The following DPYD variants were observed in gnomAD, a reference collection of about 807,000 sequenced individuals.
DPYD encodes dihydropyrimidine dehydrogenase, also known as dihydropyrimidine dehydrogenase [NADP(+)].
In DPYD, 109 loss-of-function variants were observed where a neutral mutation model predicts 116.2. The ratio of observed to expected loss-of-function variants is 0.94; its 90% CI spans 0.80 to 1.10. The LOEUF is 1.10. Among genes scored for constraint, DPYD ranks in the 50% least tolerant of loss-of-function variants. DPYD has a pLI of 0.00. For synonymous variants in DPYD, 440 were observed against 432.0 expected, an observed-to-expected ratio of 1.02 and a Z score of -0.23; for missense variants, 1,302 against 1,254.5, an observed-to-expected ratio of 1.04 and a Z score of -0.57.
chr1:97,361,453 A>G (rs913560947), intron 16 of DPYD, among the ~76,000 whole-genome samples: 4 of 152,244 alleles, frequency 2.6e-5, no homozygotes, highest in Non-Finnish European at 4.4e-5. Context: ...AACTCATCTT[A>G]TGAGGCCAGC....
chr1:97,738,065 C>T (rs186150356), intron 4 of DPYD, among the ~76,000 whole-genome samples: 38 of 152,236 alleles, frequency 2.5e-4, no homozygotes, highest in African/African-American at 3.1e-4. Context: ...ATGGCTTACA[C>T]TTTAAAAGTT....
intron 13 of DPYD, among the ~76,000 whole-genome samples, chr1:97,489,041 C>T (rs1678819093): frequency 1.3e-5 from 2 of 152,188 alleles, no homozygotes; most frequent in African/African-American, 4.8e-5. Context: ...CAAGAACCCT[C>T]CCGGGCTGAG....
At chr1:97,899,107 T>C (rs1013008242) in intron 1 of DPYD, among the ~76,000 whole-genome samples, 1 of 151,754 alleles carries the variant, frequency 6.6e-6, no homozygotes, top group African/African-American at 2.4e-5. Context: ...TTTTGTTTTT[T>C]TTTTTAATGC....
rs530616904 is a variant in DPYD, at chr1:97,342,311, C to A, written c.2058+31250G>T. Among the ~76,000 whole-genome samples the A allele has an allele frequency of 3.9e-5, 6 of 152,166 alleles. No homozygotes were observed. In the South Asian group the frequency reaches 1.2e-3, roughly 32 times the overall value. On this transcript the variant is annotated intron_variant, in intron 16 of 22. Coordinates refer to ENST00000370192, the MANE Select transcript of DPYD (RefSeq NM_000110.4). ...TCTTTCTAGTTTCTACTTCGAAGAA[C>A]AACTAATTTAATTTTTCAAAGGATG...
intron 20 of DPYD, among the ~76,000 whole-genome samples, chr1:97,110,093 A>G (rs1651482246): frequency 6.6e-6 from 1 of 152,064 alleles, no homozygotes; most frequent in African/African-American, 2.4e-5. Context: ...TTTTTGGGCT[A>G]CTGTTTTGCC....
intron 8 of DPYD, among the ~76,000 whole-genome samples, chr1:97,659,661 T>C (rs947892444): frequency 1.3e-5 from 2 of 152,186 alleles, no homozygotes; most frequent in Non-Finnish European, 2.9e-5. Flanking sequence ...AACAGCAAGT[T>C]AAATTTTTCA....
At chr1:97,639,804 G>T (rs1657779860) in intron 8 of DPYD, among the ~76,000 whole-genome samples, 1 of 152,084 alleles carries the variant, frequency 6.6e-6, no homozygotes, top group Admixed American at 6.6e-5. Flanking sequence ...AACTACTATG[G>T]AGGCTTTAAT....
chr1:97,691,728 G>A lies in DPYD; in HGVS notation c.751C>T (p.Leu251Phe). 6.2e-7 allele frequency: 1 copy of A among 1,613,470 alleles called. No homozygotes were observed. The highest frequency in any genetic ancestry group is 1.1e-5 in the South Asian group (1 of 91,054). Residue 251 changes from leucine to phenylalanine, a missense_variant, in exon 7 of 23, where the codon CTT (leucine) becomes TTT (phenylalanine). Transcript: ENST00000370192. ...TTTTTTTCATTTACCTTTACACCAA[G>A]GTCCTTCATTAGCTCAATCTCAAAA... ...VNFEIELMKDLGVKIICGKSL... is the reference protein window; with the variant it reads ...VNFEIELMKDFGVKIICGKSL...
intron 11 of DPYD, among the ~76,000 whole-genome samples, chr1:97,565,979 A>T (rs965871171): frequency 3.3e-5 from 5 of 152,214 alleles, no homozygotes; most frequent in South Asian, 2.1e-4. Flanking sequence ...ACAGCTTTTT[A>T]AAATGACTGT....
chr1:97,347,177 C>T (rs1197269419), intron 16 of DPYD, among the ~76,000 whole-genome samples: 2 of 151,794 alleles, frequency 1.3e-5, no homozygotes, highest in Non-Finnish European at 2.9e-5. Flanking sequence ...ATGCTAACAG[C>T]AGGCACCCTT....
intron 1 of DPYD, among the ~76,000 whole-genome samples, chr1:97,887,095 C>G (rs995245801): frequency 6.6e-6 from 1 of 152,006 alleles, no homozygotes; most frequent in Admixed American, 6.6e-5. Context: ...AAACCAGGGA[C>G]ACCCAAGAAT....
rs138998374 is a variant in DPYD at position 97,712,516 on chromosome 1, C to T, written c.483+8994G>A. On this transcript the variant is annotated intron_variant, in intron 5 of 22. Coordinates refer to ENST00000370192, the MANE Select transcript of DPYD (RefSeq NM_000110.4). ...TATTTGTGTTTCATTAGGATAAAGTCAGGTACCATCAGGTAAGTCTTTAAA... is the reference window on the plus strand; with the variant it reads ...TATTTGTGTTTCATTAGGATAAAGTTAGGTACCATCAGGTAAGTCTTTAAA... Among the ~76,000 whole-genome samples, 317 of 152,038 alleles carry T rather than the reference C, an allele frequency of 2.1e-3. 2 individuals are homozygous for T. Among genetic ancestry groups the T allele is most frequent in the African/African-American group, 7.0e-3 (290 of 41,492 alleles).
intron 18 of DPYD, among the ~76,000 whole-genome samples, chr1:97,288,977 A>AGAT (rs1372927184): frequency 6.6e-6 from 1 of 152,172 alleles, no homozygotes; most frequent in African/African-American, 2.4e-5. Flanking sequence ...AGAATCAAAT[A>AGAT]GATGCAATAA....
intron 7 of DPYD, among the ~76,000 whole-genome samples, chr1:97,681,686 TA>T (rs1660435768): frequency 6.6e-6 from 1 of 152,186 alleles, no homozygotes; most frequent in Non-Finnish European, 1.5e-5. Context: ...AACTTTAATT[TA>T]TTCTAACTTT....
intron 3 of DPYD, among the ~76,000 whole-genome samples, chr1:97,774,334 C>T (rs984515066): frequency 5.3e-5 from 8 of 152,180 alleles, no homozygotes; most frequent in African/African-American, 1.9e-4. Context: ...GTTTTAACCA[C>T]CCTAACCAGG....
At chr1:97,719,615 C>T (rs773117273) in intron 5 of DPYD, 72 of 771,420 alleles carry the variant, frequency 9.3e-5, no homozygotes, top group Non-Finnish European at 1.1e-4. Flanking sequence ...CGGAGTTACT[C>T]GTTTTGTTGT....
intron 9 of DPYD, among the ~76,000 whole-genome samples, chr1:97,594,418 C>T (rs1490027547): frequency 6.6e-6 from 1 of 152,038 alleles, no homozygotes; most frequent in Non-Finnish European, 1.5e-5. Context: ...GTTTTAAGTC[C>T]TGGGAGAAGC....
chr1:97,763,729 T>C (rs949162795), intron 3 of DPYD, among the ~76,000 whole-genome samples: 1 of 152,108 alleles, frequency 6.6e-6, no homozygotes, highest in African/African-American at 2.4e-5. Context: ...TAAATTATTG[T>C]GATTTATTAA....
intron 2 of DPYD, among the ~76,000 whole-genome samples, chr1:97,851,376 T>C (rs1322785543): frequency 1.3e-5 from 2 of 151,834 alleles, no homozygotes; most frequent in Non-Finnish European, 2.9e-5. Flanking sequence ...GTTAGTGTAA[T>C]ATGTCACTTC....
Sources: gnomAD v4.1 joint callset for allele counts (sites outside exome capture counted in the v4.1 genomes callset) on GRCh38, gnomAD v4.1.1 for gene constraint, MANE v1.5 for transcripts, NCBI Gene and HGNC (gene_info 2026-07-23, HGNC 2026-07-21) for gene names.